The following DENND4C variants were observed in gnomAD, a reference collection of about 807,000 sequenced individuals.
DENND4C encodes DENN domain containing 4C.
A neutral mutation model predicts 203.0 loss-of-function variants in DENND4C; 108 were observed. The observed-to-expected ratio is 0.53, with a 90% CI of 0.46 to 0.62. DENND4C has a LOEUF of 0.62. Ranked by LOEUF, DENND4C falls within the 20% of genes least tolerant of loss-of-function variation. DENND4C has a pLI of 0.00. For synonymous variants in DENND4C, 871 were observed against 792.4 expected, an observed-to-expected ratio of 1.10 and a Z score of -1.67; for missense variants, 2,481 against 2,301.2, an observed-to-expected ratio of 1.08 and a Z score of -1.60.
At chr9:19,300,038 T>G (rs1414523589) in intron 8 of DENND4C, 149 bp from the exon 9 acceptor site, 2 of 737,308 alleles carry the variant, frequency 2.7e-6, no homozygotes, top group Non-Finnish European at 4.0e-6. Flanking sequence ...GTTATCTATC[T>G]TATTAAATTT....
chr9:19,258,763 T>G (rs1828622150), intron 1 of DENND4C, among the ~76,000 whole-genome samples: 1 of 152,086 alleles, frequency 6.6e-6, no homozygotes, highest in Admixed American at 6.6e-5. Flanking sequence ...CAGGAGATTC[T>G]CCTGCCTCAG....
chr9:19,284,027 A>G (rs984993390), intron 2 of DENND4C, among the ~76,000 whole-genome samples: 2 of 152,230 alleles, frequency 1.3e-5, no homozygotes, highest in African/African-American at 4.8e-5. Flanking sequence ...AAACATGTGA[A>G]AAGTTGATAA....
intron 27 of DENND4C, 147 bp downstream of exon 27, chr9:19,357,301 G>A (rs1051025030): frequency 5.8e-5 from 39 of 677,806 alleles, no homozygotes; most frequent in African/African-American, 2.0e-4. Flanking sequence ...AGTGTTTAAC[G>A]AGCTAATGAA....
chr9:19,252,740 C>T (rs1040325702), intron 1 of DENND4C, among the ~76,000 whole-genome samples: 202 of 122,670 alleles, frequency 1.6e-3, no homozygotes, highest in African/African-American at 5.5e-3. Context: ...CACACACACA[C>T]ATACTTTTTT....
rs183267536 is a variant in DENND4C, at chr9:19,352,281, A to G, written c.4605+99A>G. On this transcript the variant is annotated intron_variant, in intron 25 of 32. Coordinates refer to ENST00000434457, the MANE Select transcript of DENND4C (RefSeq NM_001330640.2). ...ATTCTAAGATACCCTTGTGGACAGTATAATAAAATAAGTCATTTTGTTGAA... is the reference window on the plus strand; with the variant it reads ...ATTCTAAGATACCCTTGTGGACAGTGTAATAAAATAAGTCATTTTGTTGAA... The G allele has an allele frequency of 4.3e-6, 5 of 1,171,070 alleles. No individual in the cohort carries two copies. In the African/African-American group the frequency reaches 4.7e-5, roughly 11 times the overall value. 72.5% of individuals were successfully genotyped at this position (1,171,070 alleles called of 1,614,324 possible).
chr9:19,290,041 TCTA>T (rs941706016), intron 4 of DENND4C, among the ~76,000 whole-genome samples: 1 of 152,258 alleles, frequency 6.6e-6, no homozygotes, highest in East Asian at 1.9e-4. Flanking sequence ...GGCTCAAAAT[TCTA>T]CTACTGATTT....
At chr9:19,299,459 G>A (rs1838109655) in intron 8 of DENND4C, among the ~76,000 whole-genome samples, 172 bp downstream of exon 8, 1 of 152,062 alleles carries the variant, frequency 6.6e-6, no homozygotes, top group Admixed American at 6.5e-5. Flanking sequence ...GTAACTGGGT[G>A]GATGGTGGGG....
chr9:19,354,862 A>G (rs1355351291), intron 26 of DENND4C, among the ~76,000 whole-genome samples: 1 of 146,222 alleles, frequency 6.8e-6, no homozygotes, highest in African/African-American at 2.5e-5. Context: ...AGCATTTTCT[A>G]TGAATTGGTT....
chr9:19,247,137 A>G (rs780465231), intron 1 of DENND4C, among the ~76,000 whole-genome samples: 1 of 152,188 alleles, frequency 6.6e-6, no homozygotes, highest in Non-Finnish European at 1.5e-5. Context: ...TCTGGATGCC[A>G]TATATTATCT....
chr9:19,345,952 A>G lies in DENND4C; in HGVS notation c.3183A>G (p.Gln1061=). ...GSISNVLFST[Q]DPVEDAVFGE... ...TATCAAATGTGCTGTTTTCTACTCA[A>G]GATCCAGTTGAAGATGCAGTCTTTG... The change falls in exon 23 of 33, where the codon CAA becomes CAG. Residue 1061 remains glutamine (Q), a synonymous_variant. Coordinates refer to ENST00000434457, the MANE Select transcript of DENND4C (RefSeq NM_001330640.2). 6.2e-7 allele frequency: 1 copy of G among 1,613,714 alleles called. No homozygotes were observed. Among genetic ancestry groups the G allele is most frequent in the Non-Finnish European group, 8.5e-7 (1 of 1,179,912 alleles).
chr9:19,308,955 T>C (rs1343837556), intron 10 of DENND4C, among the ~76,000 whole-genome samples: 2 of 152,194 alleles, frequency 1.3e-5, no homozygotes, highest in Non-Finnish European at 2.9e-5. Flanking sequence ...TGAATGAACC[T>C]TGAAAACATT....
chr9:19,291,969 G>T (rs1055966253), intron 5 of DENND4C, among the ~76,000 whole-genome samples: 1 of 152,054 alleles, frequency 6.6e-6, no homozygotes, highest in Non-Finnish European at 1.5e-5. Flanking sequence ...GGTTAAAGAT[G>T]TACTCTGAAT....
Position 19,332,151 on chromosome 9 carries a change from G to C in DENND4C, c.2427G>C (p.Lys809Asn). ...AGCAGGCATATGATGTACTTATTAA[G>C]ATGAGGAAAACAGATGTGGATCCCT... ...ALQQAYDVLI[K>N]MRKTDVDPLD... The change falls in exon 17 of 33, where the codon AAG becomes AAC. Residue 809 changes from lysine (K) to asparagine (N), a missense_variant. Lys to Asn is a moderately conservative substitution (Grantham distance 94). This residue lies in a region of DENND4C where 2,289 missense variants were observed against 2,113.3 expected (regional missense o/e 1.08). Coordinates refer to ENST00000434457, the MANE Select transcript of DENND4C (RefSeq NM_001330640.2). The C allele has an allele frequency of 6.2e-7, 1 of 1,613,978 alleles. No individual in the cohort carries two copies. The highest frequency in any genetic ancestry group is 8.5e-7 in the Non-Finnish European group (1 of 1,179,952).
chr9:19,281,681 C>T (rs1459337021), intron 2 of DENND4C, among the ~76,000 whole-genome samples: 1 of 152,140 alleles, frequency 6.6e-6, no homozygotes, highest in African/African-American at 2.4e-5. Flanking sequence ...TATCACTTAA[C>T]GATGGGAATA....
In DENND4C at chr9:19,326,105, A is replaced by G; in HGVS notation, c.2031A>G (p.Leu677=). The G allele has an allele frequency of 6.2e-7, 1 of 1,613,046 alleles. No homozygotes were observed. The highest frequency in any genetic ancestry group is 8.5e-7 in the Non-Finnish European group (1 of 1,179,630). The part of the protein sequence containing the change: ...DSAEDTRLIE[L]DDSQKSEHTV... ...CAGAAGATACCAGATTGATAGAACT[A>G]GATGATTCACAGAAAAGTGAGCATA... is the stretch of plus-strand genomic sequence containing the variant. The change falls in exon 15 of 33, where the codon CTA becomes CTG. Residue 677 remains leucine (L), a synonymous_variant. Transcript: ENST00000434457.
intron 10 of DENND4C, among the ~76,000 whole-genome samples, chr9:19,314,471 A>T (rs570447147): frequency 6.6e-6 from 1 of 152,112 alleles, no homozygotes; most frequent in Non-Finnish European, 1.5e-5. Flanking sequence ...AGTGTATACT[A>T]CTTGGGTGAT....
At chr9:19,254,411 AAAG>A (rs1368538312) in intron 1 of DENND4C, among the ~76,000 whole-genome samples, 1 of 152,238 alleles carries the variant, frequency 6.6e-6, no homozygotes, top group African/African-American at 2.4e-5. Flanking sequence ...TTAGCCATAA[AAAG>A]AAGGAAATCC....
intron 1 of DENND4C, among the ~76,000 whole-genome samples, chr9:19,273,556 A>G (rs539706940): frequency 6.6e-6 from 1 of 152,072 alleles, no homozygotes; most frequent in African/African-American, 2.4e-5. Flanking sequence ...GACTTGTCTC[A>G]AGAATACATA....
intron 1 of DENND4C, among the ~76,000 whole-genome samples, chr9:19,273,272 G>A (rs900325686): frequency 2.0e-5 from 3 of 151,774 alleles, no homozygotes; most frequent in African/African-American, 7.3e-5. Context: ...TTTTAGTAGA[G>A]ATGGGGTTTC....
Sources: allele counts gnomAD v4.1 joint callset (sites outside exome capture counted in the v4.1 genomes callset), GRCh38; gene constraint gnomAD v4.1.1; regional missense constraint gnomAD v4.1.1; transcripts MANE v1.5; gene names NCBI Gene and HGNC (gene_info 2026-07-23, HGNC 2026-07-21).